SCAPER: variants seen among roughly 807,000 people sequenced by gnomAD.
SCAPER encodes the protein S phase cyclin A-associated protein in the endoplasmic reticulum.
SCAPER carries 98 observed loss-of-function variants against 182.2 expected under a neutral mutation model. The observed-to-expected ratio is 0.54, with a 90% CI of 0.46 to 0.64. The LOEUF is 0.64. Among genes scored for constraint, SCAPER ranks in the 30% least tolerant of loss-of-function variants. The probability of loss-of-function intolerance (pLI) is 0.00; values close to 1 mark genes in which losing one functional copy is unlikely to be tolerated. For missense variants in SCAPER, 1,432 were observed against 1,690.0 expected (o/e 0.85, Z 2.68); for synonymous variants, 605 against 564.6 (o/e 1.07, Z -1.01).
chr15:76,610,830 A>G (rs1478481537), intron 22 of SCAPER, among the ~76,000 whole-genome samples: 1 of 152,232 alleles, frequency 6.6e-6, no homozygotes, highest in Non-Finnish European at 1.5e-5. Flanking sequence ...ATATTGTTAA[A>G]TTGGCCATAA....
At position 76,527,006 on chromosome 15, in the gene SCAPER, G is replaced by A. The variant is rs576402623; in HGVS notation, c.2839-22032C>T. On this transcript the variant is annotated intron_variant, in intron 23 of 31. Transcript: ENST00000563290. The stretch of plus-strand genomic sequence containing the variant: ...CCTGCCTCAGCCTCCCAAGTAGCTC[G>A]GATTACAGATGCCCAACACCATGAC... Among the ~76,000 whole-genome samples the A allele has an allele frequency of 1.0e-3, 158 of 152,002 alleles. 1 individual carries two copies. The highest frequency in any genetic ancestry group is 3.7e-3 in the African/African-American group (152 of 41,474).
At chr15:76,673,231 A>C (rs918482239) in intron 20 of SCAPER, among the ~76,000 whole-genome samples, 1 of 152,120 alleles carries the variant, frequency 6.6e-6, no homozygotes, top group Admixed American at 6.5e-5. Flanking sequence ...GCCTTAGAAA[A>C]GAAAAATGAC....
At chr15:76,424,222 A>G (rs916897764) in intron 26 of SCAPER, among the ~76,000 whole-genome samples, 2 of 152,170 alleles carry the variant, frequency 1.3e-5, no homozygotes, top group Non-Finnish European at 1.5e-5. Flanking sequence ...GTGGGATGTT[A>G]AAGTCTCCCA....
intron 5 of SCAPER, among the ~76,000 whole-genome samples, chr15:76,836,801 G>A (rs2068992677): frequency 6.7e-6 from 1 of 150,042 alleles, no homozygotes; most frequent in Non-Finnish European, 1.5e-5. Flanking sequence ...ATGAACCCAG[G>A]AGGCACAGCT....
At chr15:76,388,811 A>G (rs1046214055) in intron 27 of SCAPER, among the ~76,000 whole-genome samples, 2 of 151,238 alleles carry the variant, frequency 1.3e-5, no homozygotes, top group South Asian at 2.1e-4. Flanking sequence ...ACACAAAAAA[A>G]TTAGCTGGGT....
chr15:76,466,416 C>CTTTTTTTTTT (rs1268592485), intron 25 of SCAPER, among the ~76,000 whole-genome samples: 12 of 36,786 alleles, frequency 3.3e-4, no homozygotes, highest in African/African-American at 5.7e-4. Flanking sequence ...TTGGTTGGTT[C>CTTTTTTTTTT]TTCTTTTTTT....
intron 23 of SCAPER, among the ~76,000 whole-genome samples, chr15:76,573,074 T>C (rs1414063246): frequency 2.6e-5 from 4 of 152,108 alleles, no homozygotes; most frequent in African/African-American, 7.2e-5. Context: ...AACCATAACT[T>C]TGACTGAAAA....
At chr15:76,542,708 C>CT (rs986343286) in intron 23 of SCAPER, among the ~76,000 whole-genome samples, 4 of 151,784 alleles carry the variant, frequency 2.6e-5, no homozygotes, top group Admixed American at 2.0e-4. Flanking sequence ...AAGAATTTTG[C>CT]TTTTTTTACT....
At chr15:76,833,902 A>G (rs531969595) in intron 5 of SCAPER, among the ~76,000 whole-genome samples, 5 of 152,370 alleles carry the variant, frequency 3.3e-5, no homozygotes, top group Non-Finnish European at 7.4e-5. Context: ...ATAACCACAC[A>G]TAACAATAGA....
At chr15:76,754,098 G>A in intron 14 of SCAPER, 150 bp from the exon 15 acceptor site, 1 of 866,208 alleles carries the variant, frequency 1.2e-6, no homozygotes, top group Non-Finnish European at 1.7e-6. Context: ...AGACTATGAA[G>A]CCAGACTACC....
intron 26 of SCAPER, among the ~76,000 whole-genome samples, chr15:76,414,110 C>G (rs2045489125): frequency 6.6e-6 from 1 of 152,038 alleles, no homozygotes; most frequent in Non-Finnish European, 1.5e-5. Flanking sequence ...GAATGTTGAT[C>G]TGTAATTTTA....
chr15:76,673,974 CA>C (rs2057203303), intron 20 of SCAPER, among the ~76,000 whole-genome samples: 2 of 151,672 alleles, frequency 1.3e-5, no homozygotes, highest in Non-Finnish European at 2.9e-5. Context: ...CACACACACA[CA>C]CACACACACA....
intron 29 of SCAPER, among the ~76,000 whole-genome samples, chr15:76,362,538 G>T (rs572423279): frequency 6.6e-6 from 1 of 151,178 alleles, no homozygotes; most frequent in South Asian, 2.1e-4. Flanking sequence ...TCAGCCTCCC[G>T]AGCAGCTGGG....
intron 17 of SCAPER, among the ~76,000 whole-genome samples, chr15:76,720,468 G>A (rs1598358416): frequency 6.6e-6 from 1 of 152,250 alleles, no homozygotes; most frequent in Admixed American, 6.5e-5. Flanking sequence ...TGGGTCAAAT[G>A]GTATTTCTAG....
chr15:76,831,537 C>T (rs2068482227), intron 5 of SCAPER, among the ~76,000 whole-genome samples: 1 of 150,246 alleles, frequency 6.7e-6, no homozygotes, highest in Non-Finnish European at 1.5e-5. Flanking sequence ...TGTACACCAA[C>T]CCCTCCCCCT....
At chr15:76,883,016 CAGA>C (rs1161565131) in intron 2 of SCAPER, among the ~76,000 whole-genome samples, 1 of 152,170 alleles carries the variant, frequency 6.6e-6, no homozygotes, top group African/African-American at 2.4e-5. Flanking sequence ...CGCCACACTT[CAGA>C]AGGTTGTACC....
intron 1 of SCAPER, among the ~76,000 whole-genome samples, chr15:76,902,009 G>A (rs557842524): frequency 8.8e-4 from 134 of 152,254 alleles, no homozygotes; most frequent in African/African-American, 2.6e-3. Flanking sequence ...ATGAGCCACC[G>A]TACCCAGCCT....
At chr15:76,805,578 G>T in intron 5 of SCAPER, among the ~76,000 whole-genome samples, 1 of 64,720 alleles carries the variant, frequency 1.5e-5, no homozygotes, top group Non-Finnish European at 2.9e-5. Context: ...TTTTTTTTTG[G>T]AGACGGAGTC....
Position 76,794,364 on chromosome 15 carries a change from T to C in SCAPER, c.772+916A>G, listed in dbSNP as rs142638254. 5.0e-3 allele frequency among the ~76,000 whole-genome samples: 757 copies of C among 152,348 alleles called. 9 individuals carry two copies. Among genetic ancestry groups the C allele is most frequent in the African/African-American group, 0.017 (724 of 41,574 alleles). ...ACATTTCTCTTAGAATCTTTCAAGATACAGAAACTACGTTTTCTGATTGTG... is the reference window on the plus strand; with the variant it reads ...ACATTTCTCTTAGAATCTTTCAAGACACAGAAACTACGTTTTCTGATTGTG... On this transcript the variant is annotated intron_variant, in intron 8 of 31. Transcript: ENST00000563290.
Sources: gnomAD v4.1 joint callset for allele counts (sites outside exome capture counted in the v4.1 genomes callset) on GRCh38, gnomAD v4.1.1 for gene constraint, MANE v1.5 for transcripts, NCBI Gene and HGNC (gene_info 2026-07-23, HGNC 2026-07-21) for gene names.